The following GREB1L variants were observed in gnomAD, a reference collection of about 807,000 sequenced individuals.
GREB1L encodes the protein GREB1-like protein.
In GREB1L, 17 loss-of-function variants were observed where a neutral mutation model predicts 200.8. The observed-to-expected ratio is 0.08, with a 90% CI of 0.06 to 0.13. The LOEUF is 0.13. Among genes scored for constraint, GREB1L ranks in the 10% least tolerant of loss-of-function variants. GREB1L has a pLI of 1.00. For synonymous variants in GREB1L, 789 were observed against 893.0 expected (o/e 0.88, Z 2.08); for missense variants, 1,657 against 2,367.7 (o/e 0.70, Z 6.23).
chr18:21,486,760 G>T (rs1174219507), intron 18 of GREB1L, among the ~76,000 whole-genome samples: 1 of 152,010 alleles, frequency 6.6e-6, no homozygotes, highest in Non-Finnish European at 1.5e-5. Context: ...CCTAATAAAG[G>T]TCCCTTTCTG....
intron 1 of GREB1L, among the ~76,000 whole-genome samples, chr18:21,323,448 A>G (rs2038979806): frequency 6.6e-6 from 1 of 152,248 alleles, no homozygotes; most frequent in Non-Finnish European, 1.5e-5. Context: ...GGAAAAATGA[A>G]TAAAGAATAT....
At chr18:21,378,002 C>T (rs2040146551) in intron 2 of GREB1L, among the ~76,000 whole-genome samples, 1 of 152,176 alleles carries the variant, frequency 6.6e-6, no homozygotes, top group Non-Finnish European at 1.5e-5. Context: ...GATGAGATTA[C>T]AGGTACAAGC....
chr18:21,432,211 C>T (rs900483730), intron 7 of GREB1L, among the ~76,000 whole-genome samples: 3 of 152,146 alleles, frequency 2.0e-5, no homozygotes, highest in Admixed American at 6.5e-5. Flanking sequence ...GCGTGAGCCA[C>T]CGTGCCCGGC....
chr18:21,286,159 C>A (rs1356827016), intron 1 of GREB1L, among the ~76,000 whole-genome samples: 1 of 152,184 alleles, frequency 6.6e-6, no homozygotes, highest in Admixed American at 6.5e-5. Context: ...AATTGCTGTT[C>A]TGTACTTGTC....
intron 7 of GREB1L, among the ~76,000 whole-genome samples, chr18:21,429,632 G>A (rs892417813): frequency 3.3e-5 from 5 of 152,096 alleles, no homozygotes; most frequent in African/African-American, 1.2e-4. Context: ...GATTCACTAA[G>A]GAAGACTTCT....
chr18:21,262,929 G>T (rs1044282038), intron 1 of GREB1L, among the ~76,000 whole-genome samples: 13 of 152,176 alleles, frequency 8.5e-5, no homozygotes, highest in African/African-American at 3.1e-4. Flanking sequence ...GTATTTTCAA[G>T]AATTGCTTTA....
At chr18:21,408,687 G>A (rs1158129552) in intron 7 of GREB1L, among the ~76,000 whole-genome samples, 3 of 151,756 alleles carry the variant, frequency 2.0e-5, no homozygotes, top group East Asian at 3.9e-4. Flanking sequence ...CCAGCTAGTC[G>A]GGAGGCTGAG....
chr18:21,262,538 A>G (rs562274999), intron 1 of GREB1L, among the ~76,000 whole-genome samples: 10 of 152,282 alleles, frequency 6.6e-5, no homozygotes, highest in African/African-American at 2.4e-4. Flanking sequence ...GTTATTTCAC[A>G]CAGAAAGCAA....
intron 1 of GREB1L, among the ~76,000 whole-genome samples, chr18:21,305,698 A>G (rs1291941341): frequency 6.6e-6 from 1 of 152,166 alleles, no homozygotes; most frequent in Non-Finnish European, 1.5e-5. Context: ...CCCTATGGCA[A>G]CTTCCCATCA....
chr18:21,280,067 G>T (rs1280084903), intron 1 of GREB1L, among the ~76,000 whole-genome samples: 2 of 152,126 alleles, frequency 1.3e-5, no homozygotes, highest in East Asian at 1.9e-4. Flanking sequence ...TTATATTAGG[G>T]TTCACTCTTT....
At chr18:21,313,009 T>C (rs2144818531) in intron 1 of GREB1L, among the ~76,000 whole-genome samples, 1 of 152,302 alleles carries the variant, frequency 6.6e-6, no homozygotes, top group East Asian at 1.9e-4. Context: ...TTGCCCACTT[T>C]TTAATTGTTA....
At chr18:21,510,381 G>A (rs1477471925) in intron 27 of GREB1L, among the ~76,000 whole-genome samples, 7 of 151,998 alleles carry the variant, frequency 4.6e-5, no homozygotes, top group African/African-American at 7.3e-5. Context: ...TCCCCTCAGC[G>A]TCTGGCAGCC....
chr18:21,320,621 C>A (rs1422485132), intron 1 of GREB1L, among the ~76,000 whole-genome samples: 1 of 151,832 alleles, frequency 6.6e-6, no homozygotes, highest in East Asian at 1.9e-4. Flanking sequence ...AAAAAATTAG[C>A]CGGGCGTAGT....
At position 21,383,532 on chromosome 18, in the gene GREB1L, A is replaced by G. The variant is rs1292048024; in HGVS notation, c.14A>G (p.Tyr5Cys). The G allele has an allele frequency of 1.4e-6, 2 of 1,459,406 alleles. No homozygotes were observed. The highest frequency in any genetic ancestry group is 2.4e-5 in the Admixed American group (1 of 41,486). The allele number at this position is 1,459,406 out of a possible 1,614,324, so 90.4% of individuals were successfully genotyped here. The change falls in exon 3 of 33, where the codon TAT (tyrosine) becomes TGT (cysteine). Residue 5 changes from tyrosine (Y) to cysteine (C), a missense_variant. By Grantham distance (194) the Tyr-to-Cys change is radical (BLOSUM62 -2). This residue lies in a region of GREB1L where 121 missense variants were observed against 126.6 expected (regional missense o/e 0.96). Coordinates refer to ENST00000424526, the MANE Select transcript of GREB1L (RefSeq NM_001142966.3). ...TAGGTGTAGATCATGGGGAATTCAT[A>G]TGCTGGGCAACTGAAATCTGCTCGA... MGNS[Y>C]AGQLKSARFE...
intron 17 of GREB1L, among the ~76,000 whole-genome samples, chr18:21,480,891 G>A (rs538949394): frequency 7.2e-5 from 11 of 152,098 alleles, no homozygotes; most frequent in African/African-American, 2.4e-4. Flanking sequence ...GTGGTGGCGG[G>A]CAACTGTAAT....
rs754377427 is a variant in GREB1L, at chr18:21,447,309, AT to A, written c.1394-2194del. Among the ~76,000 whole-genome samples, 7 of 151,934 alleles carry A rather than the reference AT, an allele frequency of 4.6e-5. No individual in the cohort carries two copies. The East Asian group carries it at 5.8e-4, about 13-fold the overall frequency. On this transcript the variant is annotated intron_variant, in intron 11 of 32. Transcript: ENST00000424526. ...CTAATTAAAAAAATTTAAAAAAAAA[AT>A]TTTTTTAAAAGGCTGAGGATGAAAA... is the stretch of plus-strand genomic sequence containing the variant.
intron 7 of GREB1L, among the ~76,000 whole-genome samples, chr18:21,426,697 G>A (rs560941716): frequency 6.6e-5 from 10 of 151,990 alleles, no homozygotes; most frequent in Non-Finnish European, 1.0e-4. Flanking sequence ...GGTGGCTCAC[G>A]CCTGTAATCC....
At position 21,353,393 on chromosome 18, in the gene GREB1L, A is replaced by C. The variant is rs1480378173; in HGVS notation, c.-119-12634A>C. On this transcript the variant is annotated intron_variant, in intron 1 of 32. Coordinates refer to ENST00000424526, the MANE Select transcript of GREB1L (RefSeq NM_001142966.3). The stretch of plus-strand genomic sequence containing the variant: ...TATTACTGTTACTAGAATATGCTTA[A>C]CCATTTCTCTATTGATGGAATATTT... 2.0e-5 allele frequency among the ~76,000 whole-genome samples: 3 copies of C among 152,100 alleles called. No individual in the cohort carries two copies. In the East Asian group the frequency reaches 5.8e-4, roughly 29 times the overall value.
At chr18:21,392,454 A>G (rs114429862) in intron 4 of GREB1L, among the ~76,000 whole-genome samples, 1,685 of 152,340 alleles carry the variant, frequency 0.011, 26 homozygotes, top group African/African-American at 0.034. Flanking sequence ...CCAAATAAAT[A>G]TAAATGATAT....
Sources: allele counts gnomAD v4.1 joint callset (sites outside exome capture counted in the v4.1 genomes callset), GRCh38; gene constraint gnomAD v4.1.1; regional missense constraint gnomAD v4.1.1; transcripts MANE v1.5; gene names NCBI Gene and HGNC (gene_info 2026-07-23, HGNC 2026-07-21).